ESRRB: variants seen among roughly 807,000 people sequenced by gnomAD.
ESRRB encodes steroid hormone receptor ERR2.
ESRRB carries 16 observed loss-of-function variants against 46.0 expected under a neutral mutation model. That is an observed-to-expected ratio of 0.35 (90% CI 0.24 to 0.53). ESRRB has a LOEUF of 0.53. Among genes scored for constraint, ESRRB ranks in the 20% least tolerant of loss-of-function variants. The pLI is 0.93. For missense variants in ESRRB, 488 were observed against 607.4 expected (o/e 0.80, Z 2.07); for synonymous variants, 246 against 259.6 (o/e 0.95, Z 0.50).
At chr14:76,330,132 TC>T (rs1313580677) in intron 1 of ESRRB, among the ~76,000 whole-genome samples, 25 of 151,834 alleles carry the variant, frequency 1.6e-4, no homozygotes, top group African/African-American at 6.0e-4. Flanking sequence ...GTGTACCCAT[TC>T]CCCACCGCAG....
chr14:76,441,008 G>A (rs545314474), intron 2 of ESRRB, among the ~76,000 whole-genome samples: 22 of 152,262 alleles, frequency 1.4e-4, no homozygotes, highest in African/African-American at 4.8e-4. Context: ...AGATTGGGCC[G>A]CTGCACTCAG....
chr14:76,466,028 C>T (rs1889094207), intron 3 of ESRRB, among the ~76,000 whole-genome samples: 1 of 152,220 alleles, frequency 6.6e-6, no homozygotes, highest in Admixed American at 6.5e-5. Flanking sequence ...TTGGGTGTCC[C>T]TCCTGGCTCT....
chr14:76,488,423 T>G (rs1056645640), intron 5 of ESRRB, among the ~76,000 whole-genome samples: 2 of 151,994 alleles, frequency 1.3e-5, no homozygotes, highest in African/African-American at 4.8e-5. Context: ...CCAAGTCCAG[T>G]CTCCCTCCCA....
Position 76,437,049 on chromosome 14 carries a change from T to G in ESRRB, c.51-2292T>G, listed in dbSNP as rs1240983946. Reference sequence around the variant, plus strand: ...GCTAATTAATTAATTAATCAATTTTTGAGACAGAGTCTTGCTCTGTCTCCC... The same window carrying G: ...GCTAATTAATTAATTAATCAATTTTGGAGACAGAGTCTTGCTCTGTCTCCC... On this transcript the variant is annotated intron_variant, in intron 1 of 6. Transcript: ENST00000644823. Among the ~76,000 whole-genome samples, 7 of 152,150 alleles carry G rather than the reference T, an allele frequency of 4.6e-5. No individual in the cohort carries two copies. In the East Asian group the frequency reaches 1.3e-3, roughly 29 times the overall value.
chr14:76,469,929 GTTTTTTTTTTTTTTCTTT>G (rs1205658970), intron 3 of ESRRB, among the ~76,000 whole-genome samples: 1 of 78,748 alleles, frequency 1.3e-5, no homozygotes, highest in Non-Finnish European at 2.8e-5. Flanking sequence ...GTTTTTTGTT[GTTTTTTTTTTTTTTCTTT>G]TTTTTTTTTT....
intron 1 of ESRRB, chr14:76,310,978 TTCTCTCTCTCTCTCTC>T (rs68079657): frequency 3.3e-4 from 119 of 362,730 alleles, no homozygotes; most frequent in African/African-American, 1.3e-3. Context: ...TCTGTCCCCT[TTCTCTCTCTCTCTCTC>T]TCTCTCTCTC....
chr14:76,453,548 A>T (rs1173658008), intron 2 of ESRRB, among the ~76,000 whole-genome samples: 4 of 151,592 alleles, frequency 2.6e-5, no homozygotes, highest in African/African-American at 9.7e-5. Context: ...ATTTTCTCTT[A>T]TGTATGTGTA....
At chr14:76,385,031 G>T (rs754232384) in intron 1 of ESRRB, among the ~76,000 whole-genome samples, 3 of 152,044 alleles carry the variant, frequency 2.0e-5, no homozygotes, top group African/African-American at 4.8e-5. Flanking sequence ...TCATCTGTGC[G>T]TTACTTTAGA....
rs553103717 is a variant in ESRRB, at chr14:76,429,432, A to T, written c.51-9909A>T. Among the ~76,000 whole-genome samples the T allele has an allele frequency of 3.3e-5, 5 of 152,182 alleles. No individual in the cohort carries two copies. The South Asian group carries it at 6.2e-4, about 19-fold the overall frequency. On this transcript the variant is annotated intron_variant, in intron 1 of 6. Coordinates refer to ENST00000644823, the MANE Select transcript of ESRRB (RefSeq NM_001379180.1). Reference sequence around the variant, plus strand: ...AAGATTCAATCACACAGGAGTGATTAAAAAAAACACCATCTATTAATAAAA... The same window carrying T: ...AAGATTCAATCACACAGGAGTGATTTAAAAAAACACCATCTATTAATAAAA...
At chr14:76,358,185 G>A (rs1030390294) in intron 1 of ESRRB, among the ~76,000 whole-genome samples, 4 of 151,408 alleles carry the variant, frequency 2.6e-5, no homozygotes, top group Non-Finnish European at 5.9e-5. Context: ...GGTGGCGGGC[G>A]CCTGTAATCC....
Position 76,462,578 on chromosome 14 carries a change from A to T in ESRRB, c.494A>T (p.Glu165Val). 1 of 1,614,090 alleles carries T rather than the reference A, an allele frequency of 6.2e-7. No individual in the cohort carries two copies. Among genetic ancestry groups the T allele is most frequent in the East Asian group, 2.2e-5 (1 of 44,870 alleles). Residue 165 changes from glutamate (E) to valine (V), a missense_variant, in exon 3 of 7, where the codon GAG becomes GTG. Glu to Val is a moderately radical substitution (Grantham distance 121, BLOSUM62 -2). Transcript: ENST00000644823. ...GAGTACAGCTGCCCGGCCACCAACG[A>T]GTGCGAGATCACCAAACGGAGGCGC... ...NIEYSCPATN[E>V]CEITKRRRKS...
intron 1 of ESRRB, among the ~76,000 whole-genome samples, chr14:76,398,573 T>A (rs780317822): frequency 4.6e-5 from 7 of 151,738 alleles, no homozygotes; most frequent in Non-Finnish European, 8.8e-5. Context: ...GTGCAGTGGG[T>A]GGAAGGAGGG....
chr14:76,485,670 AG>A (rs1889989476), intron 5 of ESRRB, among the ~76,000 whole-genome samples: 1 of 152,008 alleles, frequency 6.6e-6, no homozygotes, highest in Admixed American at 6.6e-5. Context: ...AAAGAAAGAG[AG>A]AGAGAGAGAG....
rs1006668457 is a variant in ESRRB at position 76,347,526 on chromosome 14, A to C, written c.2+36610A>C. ...CCAATACTCTAAGCTACTATTATGG[A>C]CGCTAAAGCCAGTGCCTGCAACAGT... On this transcript the variant is annotated intron_variant, in intron 1 of 6. Transcript: ENST00000512784. Among the ~76,000 whole-genome samples the C allele has an allele frequency of 6.1e-4, 26 of 42,416 alleles. 7 individuals are homozygous for C. Among genetic ancestry groups the C allele is most frequent in the Non-Finnish European group, 1.1e-3 (22 of 19,596 alleles). The allele number at this position is 42,416 out of a possible 152,430, so 27.8% of individuals were successfully genotyped here.
upstream of ESRRB, among the ~76,000 whole-genome samples, chr14:76,375,316 G>A (rs757226595): frequency 6.6e-6 from 1 of 152,188 alleles, no homozygotes; most frequent in African/African-American, 2.4e-5. Flanking sequence ...AGGGAGCAGC[G>A]GACGGGGATG....
At chr14:76,475,735 T>C (rs1405127051) in intron 3 of ESRRB, among the ~76,000 whole-genome samples, 1 of 152,242 alleles carries the variant, frequency 6.6e-6, no homozygotes, top group African/African-American at 2.4e-5. Context: ...TTTGGGGGTG[T>C]ATACCTAAGA....
intron 1 of ESRRB, among the ~76,000 whole-genome samples, chr14:76,431,029 G>T (rs1300892689): frequency 1.3e-5 from 2 of 152,216 alleles, no homozygotes; most frequent in African/African-American, 4.8e-5. Flanking sequence ...GGGCCTGATG[G>T]CTCATGCCTG....
At chr14:76,399,842 C>T (rs1280674304) in intron 1 of ESRRB, among the ~76,000 whole-genome samples, 1 of 152,192 alleles carries the variant, frequency 6.6e-6, no homozygotes, top group African/African-American at 2.4e-5. Context: ...CCTGACTTCA[C>T]AGTCACACCC....
intron 1 of ESRRB, among the ~76,000 whole-genome samples, chr14:76,414,804 C>T (rs1340062000): frequency 6.6e-6 from 1 of 152,004 alleles, no homozygotes; most frequent in African/African-American, 2.4e-5. Context: ...ACCAGGTGGA[C>T]TGCCCGTGGC....
Sources: allele counts gnomAD v4.1 joint callset (sites outside exome capture counted in the v4.1 genomes callset), GRCh38; gene constraint gnomAD v4.1.1; transcripts MANE v1.5; gene names NCBI Gene and HGNC (gene_info 2026-07-23, HGNC 2026-07-21).